SPON1: variants seen among roughly 807,000 people sequenced by gnomAD.
SPON1 encodes the protein spondin 1.
Under a neutral mutation model 111.7 loss-of-function variants are expected in SPON1, and 52 were observed. The ratio of observed to expected loss-of-function variants is 0.47; its 90% CI spans 0.37 to 0.59. The LOEUF (loss-of-function observed/expected upper bound fraction) is 0.59. Ranked by LOEUF, SPON1 falls within the 20% of genes least tolerant of loss-of-function variation. The pLI, the probability that SPON1 is intolerant of heterozygous loss-of-function variation, is 0.00. For synonymous variants in SPON1, 410 were observed against 395.8 expected (o/e 1.04, Z -0.43); for missense variants, 957 against 1,068.5 (o/e 0.90, Z 1.46).
At chr11:14,090,619 T>C (rs1179840940) in intron 5 of SPON1, among the ~76,000 whole-genome samples, 1 of 152,072 alleles carries the variant, frequency 6.6e-6, no homozygotes, top group African/African-American at 2.4e-5. Context: ...TCGTTCCTCC[T>C]GGTGGGCTCG....
intron 6 of SPON1, among the ~76,000 whole-genome samples, chr11:14,151,606 T>C (rs181636157): frequency 1.3e-5 from 2 of 152,210 alleles, no homozygotes; most frequent in East Asian, 3.9e-4. Context: ...TCCTCCTGGG[T>C]TATAATGCCT....
At chr11:14,250,398 G>A (rs1849040518) in intron 7 of SPON1, among the ~76,000 whole-genome samples, 1 of 148,066 alleles carries the variant, frequency 6.8e-6, no homozygotes, top group African/African-American at 2.5e-5. Context: ...TATATTAAAT[G>A]TGAATCCAGT....
intron 6 of SPON1, among the ~76,000 whole-genome samples, chr11:14,229,089 C>G (rs1848768494): frequency 6.6e-6 from 1 of 152,186 alleles, no homozygotes; most frequent in Non-Finnish European, 1.5e-5. Flanking sequence ...GTGACAATCA[C>G]AAAGTTTTAC....
At chr11:14,124,072 C>G (rs1316238340) in intron 5 of SPON1, among the ~76,000 whole-genome samples, 1 of 152,192 alleles carries the variant, frequency 6.6e-6, no homozygotes, top group African/African-American at 2.4e-5. Context: ...ATTCTCTTCT[C>G]TGCTTCACAT....
intron 3 of SPON1, among the ~76,000 whole-genome samples, chr11:14,044,002 A>G (rs1301033599): frequency 2.0e-5 from 3 of 152,150 alleles, no homozygotes; most frequent in Non-Finnish European, 4.4e-5. Flanking sequence ...TGTACCAAGA[A>G]CTCAGCACAC....
chr11:14,113,679 T>TGCAA (rs1849244646), intron 5 of SPON1, among the ~76,000 whole-genome samples: 1 of 135,668 alleles, frequency 7.4e-6, no homozygotes, highest in Non-Finnish European at 1.5e-5. Flanking sequence ...CTCGGCTCAC[T>TGCAA]GCAAGCTCCG....
At chr11:14,162,847 G>C (rs1847983588) in intron 6 of SPON1, among the ~76,000 whole-genome samples, 1 of 152,188 alleles carries the variant, frequency 6.6e-6, no homozygotes, top group African/African-American at 2.4e-5. Context: ...GCACCCAGCT[G>C]AATCATCCGG....
intron 6 of SPON1, among the ~76,000 whole-genome samples, chr11:14,212,602 G>A (rs1848587940): frequency 6.6e-6 from 1 of 152,090 alleles, no homozygotes; most frequent in Admixed American, 6.6e-5. Context: ...ATAAATAGGG[G>A]TCATATTACT....
At chr11:14,017,927 T>C (rs1289524851) in intron 2 of SPON1, among the ~76,000 whole-genome samples, 1 of 152,236 alleles carries the variant, frequency 6.6e-6, no homozygotes, top group Non-Finnish European at 1.5e-5. Flanking sequence ...TTGATCAAAC[T>C]AATGAGTCGG....
At chr11:14,050,597 GC>G (rs1216862016) in intron 3 of SPON1, among the ~76,000 whole-genome samples, 1 of 152,126 alleles carries the variant, frequency 6.6e-6, no homozygotes, top group East Asian at 1.9e-4. Flanking sequence ...TCTTCTAAAA[GC>G]CCAGCTGAGA....
intron 7 of SPON1, among the ~76,000 whole-genome samples, chr11:14,252,823 A>C (rs1268592630): frequency 6.6e-6 from 1 of 152,374 alleles, no homozygotes; most frequent in East Asian, 1.9e-4. Context: ...CTCAAGCTTG[A>C]GGTGTATTAC....
chr11:14,034,467 A>T (rs1554916404), intron 2 of SPON1, among the ~76,000 whole-genome samples: 1 of 152,224 alleles, frequency 6.6e-6, no homozygotes, highest in Non-Finnish European at 1.5e-5. Context: ...GAAGAAGCTG[A>T]TATTTTCTGA....
chr11:14,023,487 G>A lies in SPON1; in HGVS notation c.346-18034G>A, dbSNP rs868932544. The stretch of plus-strand genomic sequence containing the variant: ...TTAACAACACAAGTTCCCTCTCTTC[G>A]TGCTACAACTATATCAACAAAGTGA... On this transcript the variant is annotated intron_variant, in intron 2 of 15. Transcript: ENST00000576479. Among the ~76,000 whole-genome samples the A allele has an allele frequency of 3.3e-5, 5 of 152,240 alleles. No homozygotes were observed. In the Middle Eastern group the frequency reaches 0.014, roughly 414 times the overall value.
chr11:14,130,196 A>G (rs1331894422), intron 5 of SPON1, among the ~76,000 whole-genome samples: 1 of 152,236 alleles, frequency 6.6e-6, no homozygotes, highest in African/African-American at 2.4e-5. Context: ...GTTCAAGCCC[A>G]GGTCTGCCTG....
chr11:14,243,509 A>AGTT, intron 7 of SPON1, 113 bp downstream of exon 7: 1 of 872,978 alleles, frequency 1.1e-6, no homozygotes, highest in Non-Finnish European at 1.9e-6. Flanking sequence ...ACTACTTCTC[A>AGTT]GTTAACAAGC....
chr11:14,175,515 C>T (rs1848165299), intron 6 of SPON1, among the ~76,000 whole-genome samples: 1 of 152,130 alleles, frequency 6.6e-6, no homozygotes, highest in Non-Finnish European at 1.5e-5. Context: ...GTCTCCATTA[C>T]AGAACACAGA....
chr11:14,244,291 G>A (rs369767204), intron 7 of SPON1, among the ~76,000 whole-genome samples: 42 of 152,272 alleles, frequency 2.8e-4, no homozygotes, highest in African/African-American at 8.9e-4. Context: ...AAGCCAAGGC[G>A]GGCAGATCAC....
At chr11:14,242,701 C>CA (rs1253542120) in intron 6 of SPON1, among the ~76,000 whole-genome samples, 3 of 152,220 alleles carry the variant, frequency 2.0e-5, no homozygotes, top group Non-Finnish European at 4.4e-5. Flanking sequence ...AATTATTCCT[C>CA]AAAAAATTAC....
At chr11:14,114,359 A>G (rs1449089715) in intron 5 of SPON1, among the ~76,000 whole-genome samples, 2 of 152,238 alleles carry the variant, frequency 1.3e-5, no homozygotes, top group Admixed American at 1.3e-4. Flanking sequence ...CCAAAGCAGA[A>G]GGGACTTTCC....
Sources: gnomAD v4.1 joint callset for allele counts (sites outside exome capture counted in the v4.1 genomes callset) on GRCh38, gnomAD v4.1.1 for gene constraint, MANE v1.5 for transcripts, NCBI Gene and HGNC (gene_info 2026-07-23, HGNC 2026-07-21) for gene names.